The following CPT1A variants were observed in gnomAD, a reference collection of about 807,000 sequenced individuals.
CPT1A encodes carnitine O-palmitoyltransferase 1, liver isoform.
CPT1A carries 64 observed loss-of-function variants against 100.8 expected under a neutral mutation model. That is an observed-to-expected ratio of 0.63 (90% CI 0.52 to 0.78). CPT1A has a LOEUF of 0.78. Ranked by LOEUF, CPT1A falls within the 30% of genes least tolerant of loss-of-function variation. The pLI is 0.00. For synonymous variants in CPT1A, 363 were observed against 396.0 expected (o/e 0.92, Z 0.99); for missense variants, 802 against 1,034.1 (o/e 0.78, Z 3.08).
Position 68,812,570 on chromosome 11 carries a change from T to G in CPT1A, c.148A>C (p.Ile50Leu), listed in dbSNP as rs1191360445. Residue 50 changes from isoleucine (I) to leucine (L), a missense_variant, in exon 3 of 19, where the codon ATC (isoleucine) becomes CTC (leucine). Transcript: ENST00000265641. ...CTTGCCGGGTACACGCCAGTGATGA[T>G]GCCGTTCTAAAGACAGACACCCGGG... ...KKKFIRFKNG[I>L]ITGVYPASPS... The G allele has an allele frequency of 1.2e-6, 2 of 1,614,030 alleles. No individual in the cohort carries two copies. Among genetic ancestry groups the G allele is most frequent in the African/African-American group, 2.7e-5 (2 of 74,912 alleles).
In CPT1A at chr11:68,756,268, TA is replaced by T. The variant is rs1946692692; in HGVS notation, c.*1375del. ...TGGTCAAAAAAATAAATACACAATT[TA>T]AAACAATGGACAGCTAAGCTTGTCA... On this transcript the variant is annotated 3_prime_UTR_variant, in exon 19 of 19. Transcript: ENST00000265641. 1 of 152,168 alleles carries T rather than the reference TA, an allele frequency of 6.6e-6. No homozygotes were observed. Among genetic ancestry groups the T allele is most frequent in the Non-Finnish European group, 1.5e-5 (1 of 68,024 alleles). 9.4% of individuals were successfully genotyped at this position (152,168 alleles called of 1,614,324 possible). A position where few individuals can be genotyped will look rare whatever the true frequency, so the allele number is the denominator to read the frequency against.
At chr11:68,812,131 T>C (rs778235224) in intron 3 of CPT1A, among the ~76,000 whole-genome samples, 4 of 152,190 alleles carry the variant, frequency 2.6e-5, no homozygotes, top group Non-Finnish European at 5.9e-5. Context: ...CAGAGCCCTA[T>C]TGGCCAGGCT....
chr11:68,827,170 T>TAAAAATAC (rs1856754514), intron 1 of CPT1A, among the ~76,000 whole-genome samples: 1 of 151,870 alleles, frequency 6.6e-6, no homozygotes, highest in African/African-American at 2.4e-5. Context: ...TCATCTCTAC[T>TAAAAATAC]AAAAATACAA....
intron 7 of CPT1A, 47 bp from the exon 8 acceptor site, chr11:68,794,958 C>A: frequency 7.0e-7 from 1 of 1,431,662 alleles, no homozygotes; most frequent in South Asian, 1.1e-5. Flanking sequence ...GAAAGATAAG[C>A]AAATTTAAAT....
At chr11:68,833,332 T>C (rs1340968882) in intron 1 of CPT1A, among the ~76,000 whole-genome samples, 2 of 152,200 alleles carry the variant, frequency 1.3e-5, no homozygotes, top group African/African-American at 4.8e-5. Flanking sequence ...CAGCTCCTCT[T>C]CTCCAGGCAA....
In CPT1A at chr11:68,793,362, T is replaced by C; in HGVS notation, c.920A>G (p.Gln307Arg). 6.2e-7 allele frequency: 1 copy of C among 1,612,288 alleles called. No homozygotes were observed. ...GGAAGTATTAAACATCCGCTCCCAC[T>C]GAGCGGAGCAGAGTGGAATCGTGGA... ...LGSTIPLCSA[Q>R]WERMFNTSRI... Residue 307 changes from glutamine to arginine, a missense_variant, in exon 9 of 19, where the codon CAG becomes CGG. By Grantham distance (43) the Gln-to-Arg change is conservative (BLOSUM62 1). Transcript: ENST00000265641.
At chr11:68,811,249 A>C (rs1373737403) in intron 3 of CPT1A, among the ~76,000 whole-genome samples, 2 of 152,074 alleles carry the variant, frequency 1.3e-5, no homozygotes, top group African/African-American at 4.8e-5. Flanking sequence ...TGATCGACCC[A>C]CCTCGGTCTC....
intron 1 of CPT1A, among the ~76,000 whole-genome samples, chr11:68,838,572 T>TTAAAAAAAAAAAAAAAAAAAA (rs1491356211): frequency 5.2e-5 from 5 of 95,510 alleles, no homozygotes; most frequent in African/African-American, 2.5e-4. Flanking sequence ...TGCACCTTTT[T>TTAAAAAAAAAAAAAAAAAAAA]AAAAAAAAAA....
intron 1 of CPT1A, among the ~76,000 whole-genome samples, chr11:68,823,931 A>G (rs963758783): frequency 1.3e-5 from 2 of 151,788 alleles, no homozygotes; most frequent in South Asian, 2.1e-4. Context: ...CAGCTAAACA[A>G]TGGGTACCCA....
chr11:68,798,932 T>C (rs964549141), intron 6 of CPT1A, among the ~76,000 whole-genome samples: 2 of 151,602 alleles, frequency 1.3e-5, no homozygotes, highest in African/African-American at 2.4e-5. Context: ...GAGGCCGAGG[T>C]GGGAGGATCA....
In CPT1A at chr11:68,810,755, C is replaced by T. The variant is rs148779528; in HGVS notation, c.281+1682G>A. On this transcript the variant is annotated intron_variant, in intron 3 of 18. Coordinates refer to ENST00000265641, the MANE Select transcript of CPT1A (RefSeq NM_001876.4). ...ATCCCAGGACTTTGGGAGGCCGAGG[C>T]GAGTGGACCACCTGAGGTCAATAGT... 9.5e-3 allele frequency among the ~76,000 whole-genome samples: 1,442 copies of T among 152,194 alleles called. 21 individuals are homozygous for T. Among genetic ancestry groups the T allele is most frequent in the African/African-American group, 0.033 (1,353 of 41,522 alleles).
intron 1 of CPT1A, among the ~76,000 whole-genome samples, chr11:68,817,078 G>C (rs1192617529): frequency 7.7e-6 from 1 of 129,518 alleles, no homozygotes; most frequent in Non-Finnish European, 1.6e-5. Flanking sequence ...GTGTGGGTGC[G>C]TGTGTGTGGT....
chr11:68,843,751 C>T (rs947087679), upstream of CPT1A, among the ~76,000 whole-genome samples: 3 of 152,262 alleles, frequency 2.0e-5, no homozygotes, highest in Non-Finnish European at 2.9e-5. This position sits in a 1 kb window ranked among gnomAD's most constrained non-coding sequence, Gnocchi z 4.0. Context: ...ATTTCACCGC[C>T]CCAAGAGGCC....
At chr11:68,822,146 A>C (rs1387433187) in intron 1 of CPT1A, among the ~76,000 whole-genome samples, 1 of 152,090 alleles carries the variant, frequency 6.6e-6, no homozygotes, top group Non-Finnish European at 1.5e-5. Context: ...GGGAGGCCAA[A>C]GCAGAAAGAC....
intron 1 of CPT1A, among the ~76,000 whole-genome samples, chr11:68,831,771 T>C (rs1856886617): frequency 6.6e-6 from 1 of 151,988 alleles, no homozygotes; most frequent in Middle Eastern, 3.4e-3. Context: ...GGAGCTGGAA[T>C]TACAGGCACG....
At chr11:68,788,851 G>A (rs543940015) in intron 9 of CPT1A, among the ~76,000 whole-genome samples, 9 of 152,202 alleles carry the variant, frequency 5.9e-5, no homozygotes, top group South Asian at 4.1e-4. Flanking sequence ...TGCTGGGGAC[G>A]TGAAAGTTGG....
intron 10 of CPT1A, among the ~76,000 whole-genome samples, chr11:68,782,947 C>G (rs1855354425): frequency 6.6e-6 from 1 of 152,220 alleles, no homozygotes; most frequent in Non-Finnish European, 1.5e-5. Context: ...TACAGACCCA[C>G]AGGGAGCCCA....
chr11:68,831,011 GATAACAC>G (rs1189991750), intron 1 of CPT1A, among the ~76,000 whole-genome samples: 2 of 152,186 alleles, frequency 1.3e-5, no homozygotes, highest in African/African-American at 4.8e-5. Context: ...GGGGGAAGGT[GATAACAC>G]ATCTTCAATT....
intron 12 of CPT1A, among the ~76,000 whole-genome samples, chr11:68,780,068 C>G (rs561883476): frequency 7.2e-4 from 109 of 152,204 alleles, no homozygotes; most frequent in Non-Finnish European, 1.4e-3. Flanking sequence ...AAGCTGCGGC[C>G]TGAGAGTCAA....
Sources: allele counts gnomAD v4.1 joint callset (sites outside exome capture counted in the v4.1 genomes callset), GRCh38; gene constraint gnomAD v4.1.1; non-coding constraint Gnocchi (gnomAD v3.1); transcripts MANE v1.5; gene names NCBI Gene and HGNC (gene_info 2026-07-23, HGNC 2026-07-21).